The following ZSCAN22 variants were observed in gnomAD, a reference collection of about 807,000 sequenced individuals.
ZSCAN22 encodes zinc finger and SCAN domain-containing protein 22.
Under a neutral mutation model 12.4 loss-of-function variants are expected in ZSCAN22, and 7 were observed. The observed-to-expected ratio is 0.57, with a 90% CI of 0.32 to 1.06. ZSCAN22 has a LOEUF of 1.06. ZSCAN22 is among the 50% of genes least tolerant of loss of function. ZSCAN22 has a pLI of 0.04. For missense variants in ZSCAN22, 576 were observed against 631.7 expected (o/e 0.91, Z 0.94); for synonymous variants, 243 against 255.9 (o/e 0.95, Z 0.48).
Position 58,338,627 on chromosome 19 carries a change from A to G in ZSCAN22, c.777A>G (p.Pro259=), listed in dbSNP as rs1177635600. Residue 259 remains proline (P), a synonymous_variant, in exon 3 of 3, where the codon CCA becomes CCG. Coordinates refer to ENST00000329665, the MANE Select transcript of ZSCAN22 (RefSeq NM_181846.3). This position sits in a 1 kb window ranked among gnomAD's most constrained non-coding sequence, Gnocchi z 5.4. Reference sequence around the variant, plus strand: ...TGGATGCTTATGGGACAGAGCCTCCATACACCTACTCAGGGAAGAGGTCCT... The same window carrying G: ...TGGATGCTTATGGGACAGAGCCTCCGTACACCTACTCAGGGAAGAGGTCCT... ...DLVDAYGTEP[P]YTYSGKRSSK... 2.5e-6 allele frequency: 4 copies of G among 1,614,094 alleles called. No individual in the cohort carries two copies. Among genetic ancestry groups the G allele is most frequent in the African/African-American group, 2.7e-5 (2 of 74,936 alleles).
At chr19:58,333,440 C>T (rs1407079216) in intron 1 of ZSCAN22, among the ~76,000 whole-genome samples, 1 of 152,164 alleles carries the variant, frequency 6.6e-6, no homozygotes, top group Admixed American at 6.5e-5. Context: ...TGATCGAAAT[C>T]CATTGTAGCA....
In ZSCAN22 at chr19:58,335,121, G is replaced by A; in HGVS notation, c.319G>A (p.Ala107Thr). The change falls in exon 2 of 3, where the codon GCC (alanine) becomes ACC (threonine). Residue 107 changes from alanine to threonine, a missense_variant. Physicochemically the swap from Ala to Thr is moderately conservative, Grantham distance 58. Coordinates refer to ENST00000329665, the MANE Select transcript of ZSCAN22 (RefSeq NM_181846.3). The surrounding 1 kb of genome is among the most constrained non-coding windows in gnomAD (Gnocchi z 4.1). ...GGGTGCGCTGCCCCCAGAGATCCAA[G>A]CCTGGGTGGGAGCCCAGAGTCCCAA... Reference protein sequence around the residue: ...FLGALPPEIQAWVGAQSPKSG... With the variant: ...FLGALPPEIQTWVGAQSPKSG... 2 of 1,614,116 alleles carry A rather than the reference G, an allele frequency of 1.2e-6. No homozygotes were observed. Among genetic ancestry groups the A allele is most frequent in the East Asian group, 2.2e-5 (1 of 44,866 alleles).
Position 58,340,328 on chromosome 19 carries a change from A to G in ZSCAN22, c.*1002A>G, listed in dbSNP as rs928097612. 3 of 152,180 alleles carry G rather than the reference A, an allele frequency of 2.0e-5. No individual in the cohort carries two copies. Among genetic ancestry groups the G allele is most frequent in the African/African-American group, 7.2e-5 (3 of 41,438 alleles). The allele number at this position is 152,180 out of a possible 1,614,324, so 9.4% of individuals were successfully genotyped here. ...CTGTCATTTTTCTGTGCGTGCAGTG[A>G]AAATGGCCTCATCTCATACCATGGC... On this transcript the variant is annotated 3_prime_UTR_variant, in exon 3 of 3. Transcript: ENST00000329665.
In ZSCAN22 at chr19:58,339,101, C is replaced by G. The variant is rs1466394918; in HGVS notation, c.1251C>G (p.Phe417Leu). ...PYKCDACGRAFSDCSALIRHL... is the reference protein window; with the variant it reads ...PYKCDACGRALSDCSALIRHL... ...AGTGTGACGCGTGTGGCCGAGCCTTCAGCGACTGCTCAGCCCTGATCCGAC... is the reference window on the plus strand; with the variant it reads ...AGTGTGACGCGTGTGGCCGAGCCTTGAGCGACTGCTCAGCCCTGATCCGAC... The change falls in exon 3 of 3, where the codon TTC becomes TTG. Residue 417 changes from phenylalanine (F) to leucine (L), a missense_variant. Phe to Leu is a conservative substitution (Grantham distance 22). Transcript: ENST00000329665. This position sits in a 1 kb window ranked among gnomAD's most constrained non-coding sequence, Gnocchi z 5.6. 2 of 1,614,272 alleles carry G rather than the reference C, an allele frequency of 1.2e-6. No homozygotes were observed. The highest frequency in any genetic ancestry group is 3.3e-5 in the Admixed American group (2 of 60,030).
intron 2 of ZSCAN22, among the ~76,000 whole-genome samples, chr19:58,337,301 G>A (rs946246336): frequency 2.0e-5 from 3 of 152,036 alleles, no homozygotes; most frequent in African/African-American, 7.3e-5. Flanking sequence ...GCAAGGTGTT[G>A]AGTGTGAGGG....
chr19:58,334,950 C>T lies in ZSCAN22; in HGVS notation c.148C>T (p.Leu50=). 6.2e-7 allele frequency: 1 copy of T among 1,614,174 alleles called. No individual in the cohort carries two copies. Among genetic ancestry groups the T allele is most frequent in the East Asian group, 2.2e-5 (1 of 44,886 alleles). Residue 50 remains leucine, a synonymous_variant, in exon 2 of 3, where the codon CTG becomes TTG. Transcript: ENST00000329665. ...CATTGCTCACTCTGAGGCTGCACGC[C>T]TGCGCTTCCGGCACTTCCGCTATGA... ...DHIAHSEAAR[L]RFRHFRYEEA...
Position 58,339,447 on chromosome 19 carries a change from A to G in ZSCAN22, c.*121A>G. ...GTGATTGATGAGTTGTCAAAATGAT[A>G]GGTGCCTGAGGGCAGACTCGGGCTG... On this transcript the variant is annotated 3_prime_UTR_variant, in exon 3 of 3. Coordinates refer to ENST00000329665, the MANE Select transcript of ZSCAN22 (RefSeq NM_181846.3). This position sits in a 1 kb window ranked among gnomAD's most constrained non-coding sequence, Gnocchi z 5.6. 1.1e-6 allele frequency: 1 copy of G among 934,186 alleles called. No homozygotes were observed. The highest frequency in any genetic ancestry group is 1.8e-5 in the South Asian group (1 of 56,888). The allele number at this position is 934,186 out of a possible 1,614,324, so 57.9% of individuals were successfully genotyped here.
chr19:58,339,414 C>G lies in ZSCAN22; in HGVS notation c.*88C>G. ...CGCTGAGTTCCTGAAGAGCCACAGA[C>G]AGGGTGGGTGATTGATGAGTTGTCA... On this transcript the variant is annotated 3_prime_UTR_variant, in exon 3 of 3. Transcript: ENST00000329665. This position sits in a 1 kb window ranked among gnomAD's most constrained non-coding sequence, Gnocchi z 5.6. 3.2e-6 allele frequency: 4 copies of G among 1,252,112 alleles called. No individual in the cohort carries two copies. The highest frequency in any genetic ancestry group is 4.4e-6 in the Non-Finnish European group (4 of 915,858). 77.6% of individuals were successfully genotyped at this position (1,252,112 alleles called of 1,614,324 possible).
chr19:58,341,881 CAT>C lies in ZSCAN22; in HGVS notation c.*2558_*2559del, dbSNP rs996291540. On this transcript the variant is annotated 3_prime_UTR_variant, in exon 3 of 3. Transcript: ENST00000329665. ...CTTTCCTGAACCTCCATGACCTCCTCATATGTAAACCAGGGACAGGACCCACC... is the reference window on the plus strand; with the variant it reads ...CTTTCCTGAACCTCCATGACCTCCTCATGTAAACCAGGGACAGGACCCACC... 4 of 152,242 alleles carry C rather than the reference CAT, an allele frequency of 2.6e-5. No homozygotes were observed. Among genetic ancestry groups the C allele is most frequent in the African/African-American group, 9.7e-5 (4 of 41,442 alleles). 9.4% of individuals were successfully genotyped at this position (152,242 alleles called of 1,614,324 possible). A position where few individuals can be genotyped will look rare whatever the true frequency, so the allele number is the denominator to read the frequency against.
chr19:58,327,904 G>T (rs2051674374), intron 1 of ZSCAN22, among the ~76,000 whole-genome samples: 1 of 152,202 alleles, frequency 6.6e-6, no homozygotes, highest in African/African-American at 2.4e-5. Flanking sequence ...AGGCTGGAGT[G>T]CAGTGGCGCA....
rs775598802 is a variant in ZSCAN22, at chr19:58,339,001, C to T, written c.1151C>T (p.Ala384Val). The change falls in exon 3 of 3, where the codon GCG becomes GTG. Residue 384 changes from alanine to valine, a missense_variant. Ala to Val is a moderately conservative substitution (Grantham distance 64, BLOSUM62 0). Coordinates refer to ENST00000329665, the MANE Select transcript of ZSCAN22 (RefSeq NM_181846.3). The surrounding 1 kb of genome is among the most constrained non-coding windows in gnomAD (Gnocchi z 5.6). ...GGGGAGCGGCCCTACGAGTGTGACG[C>T]GTGTGGGAAAGCCTTCAGCCAGAGC... Reference protein sequence around the residue: ...HTGERPYECDACGKAFSQSTH... With the variant: ...HTGERPYECDVCGKAFSQSTH... 5.6e-6 allele frequency: 9 copies of T among 1,611,494 alleles called. No individual in the cohort carries two copies. The highest frequency in any genetic ancestry group is 2.2e-5 in the East Asian group (1 of 44,732).
chr19:58,328,259 A>G (rs1470360528), intron 1 of ZSCAN22, among the ~76,000 whole-genome samples: 1 of 152,220 alleles, frequency 6.6e-6, no homozygotes. Flanking sequence ...ATGTGTTAAT[A>G]TCTGATTGAC....
In ZSCAN22 at chr19:58,338,975, G is replaced by T; in HGVS notation, c.1125G>T (p.Thr375=). 6.2e-7 allele frequency: 1 copy of T among 1,613,856 alleles called. No individual in the cohort carries two copies. Among genetic ancestry groups the T allele is most frequent in the African/African-American group, 1.3e-5 (1 of 74,986 alleles). The change falls in exon 3 of 3, where the codon ACG becomes ACT. Residue 375 remains threonine, a synonymous_variant. Transcript: ENST00000329665. The surrounding 1 kb of genome is among the most constrained non-coding windows in gnomAD (Gnocchi z 5.4). ...THLTQHQRVH[T]GERPYECDAC... ...TCACCCAGCACCAGCGGGTGCACAC[G>T]GGGGAGCGGCCCTACGAGTGTGACG...
In ZSCAN22 at chr19:58,338,423, G is replaced by A. The variant is rs368211476; in HGVS notation, c.573G>A (p.Gly191=). The change falls in exon 3 of 3, where the codon GGG becomes GGA. Residue 191 remains glycine (G), a synonymous_variant. Coordinates refer to ENST00000329665, the MANE Select transcript of ZSCAN22 (RefSeq NM_181846.3). The surrounding 1 kb of genome is among the most constrained non-coding windows in gnomAD (Gnocchi z 5.4). The stretch of plus-strand genomic sequence containing the variant: ...GCTCAGAGAGGTCTGGACTATCAGG[G>A]GAGATCTGGACAAAGTCTGTCACCC... ...EGSSERSGLS[G]EIWTKSVTQQ... is the part of the protein sequence containing the mutation. The A allele has an allele frequency of 3.3e-4, 540 of 1,614,162 alleles. 3 individuals carry two copies. The South Asian group carries it at 5.6e-3, about 17-fold the overall frequency.
chr19:58,330,950 GTAT>G (rs1184617938), intron 1 of ZSCAN22, among the ~76,000 whole-genome samples: 1 of 152,208 alleles, frequency 6.6e-6, no homozygotes, highest in Non-Finnish European at 1.5e-5. Context: ...CTGAACAAAA[GTAT>G]TATTATTGAT....
intron 2 of ZSCAN22, among the ~76,000 whole-genome samples, chr19:58,336,749 C>T (rs574677326): frequency 2.0e-5 from 3 of 152,310 alleles, no homozygotes; most frequent in East Asian, 1.9e-4. Flanking sequence ...TGAAATGAGG[C>T]GATGGAAGTC....
intron 1 of ZSCAN22, among the ~76,000 whole-genome samples, chr19:58,333,617 G>T (rs1193338029): frequency 1.3e-5 from 2 of 152,244 alleles, no homozygotes; most frequent in East Asian, 3.8e-4. Context: ...GCCGAGGCAG[G>T]CAGATCGCTT....
At position 58,341,827 on chromosome 19, in the gene ZSCAN22, T is replaced by G. The variant is rs2051879543; in HGVS notation, c.*2501T>G. 6.6e-6 allele frequency: 1 copy of G among 152,214 alleles called. No homozygotes were observed. The highest frequency in any genetic ancestry group is 6.5e-5 in the Admixed American group (1 of 15,280). The allele number at this position is 152,214 out of a possible 1,614,324, so 9.4% of individuals were successfully genotyped here. On this transcript the variant is annotated 3_prime_UTR_variant, in exon 3 of 3. Coordinates refer to ENST00000329665, the MANE Select transcript of ZSCAN22 (RefSeq NM_181846.3). ...GGCTGCAGAGCCTGACTCCTCCCTG[T>G]GGCTACTTTTGGGACCTAAGATAAG...
chr19:58,335,217 C>T lies in ZSCAN22; in HGVS notation c.403+12C>T, dbSNP rs2051782584. 2 of 1,557,650 alleles carry T rather than the reference C, an allele frequency of 1.3e-6. No individual in the cohort carries two copies. The highest frequency in any genetic ancestry group is 1.9e-5 in the Admixed American group (1 of 52,042). ...GCTGGACAAGAGAGGTAAAGGGGCG[C>T]CGTGGGCAGCTTCACGGCACACCAG... is the stretch of plus-strand genomic sequence containing the variant. On this transcript the variant is annotated intron_variant, in intron 2 of 2. Transcript: ENST00000329665. This position sits in a 1 kb window ranked among gnomAD's most constrained non-coding sequence, Gnocchi z 4.1.
Sources: allele counts gnomAD v4.1 joint callset (sites outside exome capture counted in the v4.1 genomes callset), GRCh38; gene constraint gnomAD v4.1.1; non-coding constraint Gnocchi (gnomAD v3.1); transcripts MANE v1.5; gene names NCBI Gene and HGNC (gene_info 2026-07-23, HGNC 2026-07-21).